Variants in AREL1 observed in about 807,000 individuals in gnomAD.
AREL1 encodes apoptosis resistant E3 ubiquitin protein ligase 1.
Under a neutral mutation model 99.0 loss-of-function variants are expected in AREL1, and 62 were observed. The observed-to-expected ratio is 0.63, with a 90% CI of 0.51 to 0.77. The LOEUF is 0.77. Among genes scored for constraint, AREL1 ranks in the 30% least tolerant of loss-of-function variants. The pLI is 0.00. For synonymous variants in AREL1, 380 were observed against 376.5 expected (o/e 1.01, Z -0.11); for missense variants, 879 against 1,027.6 (o/e 0.86, Z 1.98).
In AREL1 at chr14:74,664,037, G is replaced by A; in HGVS notation, c.2231C>T (p.Thr744Ile). 1 of 1,614,060 alleles carries A rather than the reference G, an allele frequency of 6.2e-7. No individual in the cohort carries two copies. The highest frequency in any genetic ancestry group is 8.5e-7 in the Non-Finnish European group (1 of 1,179,986). The change falls in exon 19 of 20, where the codon ACC becomes ATC. Residue 744 changes from threonine (T) to isoleucine (I), a missense_variant. Coordinates refer to ENST00000356357, the MANE Select transcript of AREL1 (RefSeq NM_001039479.2). ...RWFWTVVSSL[T>I]QEELARLLQF... The stretch of plus-strand genomic sequence containing the variant: ...AAGTAGCCGAGCCAACTCCTCCTGG[G>A]TCAGACTGGAAACCACAGTCCAAAA...
intron 5 of AREL1, among the ~76,000 whole-genome samples, chr14:74,681,766 C>CAAAAAAAAAAAGAA (rs1333756944): frequency 5.6e-5 from 5 of 89,806 alleles, no homozygotes; most frequent in African/African-American, 1.7e-4. Flanking sequence ...GAGACGCCAT[C>CAAAAAAAAAAAGAA]AAAAAAAAAA....
At position 74,690,266 on chromosome 14, in the gene AREL1, A is replaced by C. The variant is rs920681310; in HGVS notation, c.-46+1775T>G. Among the ~76,000 whole-genome samples, 19 of 56,886 alleles carry C rather than the reference A, an allele frequency of 3.3e-4. 1 individual carries two copies. In the East Asian group the frequency reaches 0.01, roughly 30 times the overall value. The allele number at this position is 56,886 out of a possible 152,430, so 37.3% of individuals were successfully genotyped here. Reference sequence around the variant, plus strand: ...ACAACAGAGCAAGACCCTGTCTCCAAAAAAAAAAAAAAAAAAAAAGCTCCA... The same window carrying C: ...ACAACAGAGCAAGACCCTGTCTCCACAAAAAAAAAAAAAAAAAAAGCTCCA... On this transcript the variant is annotated intron_variant, in intron 2 of 19. Coordinates refer to ENST00000356357, the MANE Select transcript of AREL1 (RefSeq NM_001039479.2).
intron 1 of AREL1, among the ~76,000 whole-genome samples, chr14:74,711,622 C>A (rs1015444980): frequency 2.6e-5 from 4 of 152,112 alleles, no homozygotes; most frequent in South Asian, 2.1e-4. Flanking sequence ...GGAAGACACA[C>A]AATGGTAACA....
Position 74,713,042 on chromosome 14 carries a change from G to C in AREL1, c.-443C>G, listed in dbSNP as rs780067948. On this transcript the variant is annotated 5_prime_UTR_variant, in exon 1 of 20. Coordinates refer to ENST00000356357, the MANE Select transcript of AREL1 (RefSeq NM_001039479.2). ...CACTCTCCCACCAACAGACCCCAGA[G>C]TTGGTCTCCACCCGGCCTGGGAACC... 2.3e-6 allele frequency: 3 copies of C among 1,293,304 alleles called. No homozygotes were observed. Among genetic ancestry groups the C allele is most frequent in the Admixed American group, 1.7e-5 (1 of 57,490 alleles). The allele number at this position is 1,293,304 out of a possible 1,614,324, so 80.1% of individuals were successfully genotyped here. A position where few individuals can be genotyped will look rare whatever the true frequency, so the allele number is the denominator to read the frequency against.
rs371561437 is a variant in AREL1, at chr14:74,670,035, G to A, written c.1700C>T (p.Ser567Phe). ...CAACTGCTTGTAGGCTCCTCCTAGA[G>A]AGGACTCATAGAGACACTTGCCCAC... ...RLVGKCLYES[S>F]LGGAYKQLVR... Residue 567 changes from serine to phenylalanine, a missense_variant, in exon 14 of 20, where the codon TCT becomes TTT. Ser to Phe is a radical substitution (Grantham distance 155). Coordinates refer to ENST00000356357, the MANE Select transcript of AREL1 (RefSeq NM_001039479.2). 13 of 1,614,030 alleles carry A rather than the reference G, an allele frequency of 8.1e-6. No individual in the cohort carries two copies. The African/African-American group carries it at 1.5e-4, about 18-fold the overall frequency.
chr14:74,664,807 T>A (rs2089175711), intron 18 of AREL1, 29 bp downstream of exon 18: 5 of 1,599,208 alleles, frequency 3.1e-6, no homozygotes, highest in Non-Finnish European at 4.3e-6. Context: ...ATGGCACAAA[T>A]CCAACTGAAA....
intron 17 of AREL1, among the ~76,000 whole-genome samples, chr14:74,666,760 C>T (rs147137836): frequency 2.3e-3 from 344 of 147,426 alleles, no homozygotes; most frequent in African/African-American, 8.4e-3. Context: ...TACTCTGTTG[C>T]CCAGGCTGGA....
chr14:74,675,962 G>T lies in AREL1; in HGVS notation c.833-16C>A. The T allele has an allele frequency of 6.4e-7, 1 of 1,565,196 alleles. No individual in the cohort carries two copies. The highest frequency in any genetic ancestry group is 8.6e-7 in the Non-Finnish European group (1 of 1,156,130). ...TTCTCATCCTCTGAAGTATAATAAG[G>T]AATAAGGTTTAAAGTAGAAGTCAGA... On this transcript the variant is annotated splice_polypyrimidine_tract_variant and intron_variant, in intron 7 of 19. Coordinates refer to ENST00000356357, the MANE Select transcript of AREL1 (RefSeq NM_001039479.2).
At chr14:74,691,940 T>C in intron 2 of AREL1, 101 bp downstream of exon 2, 1 of 234,162 alleles carries the variant, frequency 4.3e-6, no homozygotes. Flanking sequence ...TGCAACTGTA[T>C]ACTTTAACAG....
chr14:74,666,408 C>T (rs1246011358), intron 17 of AREL1, among the ~76,000 whole-genome samples: 3 of 152,200 alleles, frequency 2.0e-5, no homozygotes, highest in African/African-American at 7.2e-5. Flanking sequence ...ATGGTATTTA[C>T]CATCTTAGAG....
chr14:74,684,819 G>A, intron 3 of AREL1, 139 bp from the exon 4 acceptor site: 1 of 712,918 alleles, frequency 1.4e-6, no homozygotes, highest in Non-Finnish European at 2.4e-6. Context: ...ACTGCACTGG[G>A]CACTACCTCT....
intron 11 of AREL1, chr14:74,671,971 G>C (rs372169069): frequency 1.1e-4 from 49 of 454,824 alleles, no homozygotes; most frequent in African/African-American, 7.6e-4. Context: ...ACACCTACCA[G>C]AGCCAAACAT....
At chr14:74,671,561 C>G in intron 11 of AREL1, 78 bp from the exon 12 acceptor site, 2 of 901,718 alleles carry the variant, frequency 2.2e-6, no homozygotes, top group Non-Finnish European at 3.4e-6. Flanking sequence ...CACAAGAGCA[C>G]TGCCATTGTC....
intron 3 of AREL1, among the ~76,000 whole-genome samples, chr14:74,685,158 T>C (rs2089720580): frequency 6.6e-6 from 1 of 152,254 alleles, no homozygotes; most frequent in Admixed American, 6.5e-5. Flanking sequence ...GATGTGCCTT[T>C]GGTTCCCACC....
At chr14:74,667,101 C>G (rs140256693) in intron 17 of AREL1, among the ~76,000 whole-genome samples, 2 of 152,218 alleles carry the variant, frequency 1.3e-5, no homozygotes, top group Admixed American at 1.3e-4. Context: ...ATTTATTTAT[C>G]CCTTAAGCTA....
chr14:74,661,536 A>G lies in AREL1; in HGVS notation c.*2184T>C, dbSNP rs1392132104. ...ACACTAATAGAAAATTGCCCAAGAA[A>G]TAACACTCTCTCATCTCTTTGACAT... On this transcript the variant is annotated 3_prime_UTR_variant, in exon 20 of 20. Transcript: ENST00000356357. 1.8e-5 allele frequency: 5 copies of G among 282,940 alleles called. No individual in the cohort carries two copies. Among genetic ancestry groups the G allele is most frequent in the Non-Finnish European group, 3.5e-5 (5 of 141,094 alleles). The allele number at this position is 282,940 out of a possible 1,614,324, so 17.5% of individuals were successfully genotyped here.
intron 1 of AREL1, among the ~76,000 whole-genome samples, chr14:74,709,731 T>C (rs535729010): frequency 1.3e-5 from 2 of 152,352 alleles, no homozygotes; most frequent in South Asian, 2.1e-4. Flanking sequence ...AAAAAAGTCC[T>C]ATCATGTAAG....
chr14:74,701,492 T>C (rs939068484), intron 1 of AREL1, among the ~76,000 whole-genome samples: 1 of 152,158 alleles, frequency 6.6e-6, no homozygotes, highest in African/African-American at 2.4e-5. Flanking sequence ...GTGAGACTTA[T>C]TCACTACCAC....
intron 2 of AREL1, among the ~76,000 whole-genome samples, chr14:74,689,935 A>T (rs371385716): frequency 2.1e-4 from 32 of 150,964 alleles, no homozygotes; most frequent in African/African-American, 7.8e-4. Context: ...TTCATTTTAG[A>T]GTGGTAATGA....
Sources: allele counts gnomAD v4.1 joint callset (sites outside exome capture counted in the v4.1 genomes callset), GRCh38; gene constraint gnomAD v4.1.1; transcripts MANE v1.5; gene names NCBI Gene and HGNC (gene_info 2026-07-23, HGNC 2026-07-21).